ABCB5: variants seen among roughly 807,000 people sequenced by gnomAD.
ABCB5 encodes ATP binding cassette subfamily B member 5.
ABCB5 carries 155 observed loss-of-function variants against 144.2 expected under a neutral mutation model. The ratio of observed to expected loss-of-function variants is 1.08; its 90% CI spans 0.94 to 1.23. The LOEUF (loss-of-function observed/expected upper bound fraction) is 1.23, where lower values mean the gene tolerates loss of function less well. Among genes scored for constraint, ABCB5 ranks in the 50% most tolerant of loss-of-function variants. ABCB5 has a pLI of 0.00. For missense variants in ABCB5, 1,830 were observed against 1,520.8 expected (o/e 1.20, Z -3.38); for synonymous variants, 610 against 528.6 (o/e 1.15, Z -2.11).
chr7:20,755,443 T>C lies in ABCB5; in HGVS notation c.3593T>C (p.Leu1198Pro), dbSNP rs1783058384. The change falls in exon 28 of 28, where the codon CTT becomes CCT. Residue 1198 changes from leucine to proline, a missense_variant. Physicochemically the swap from Leu to Pro is moderately conservative, Grantham distance 98 (BLOSUM62 -3). Transcript: ENST00000404938. ...CTCTTCCAGGTGGTTCAGCATGCCC[T>C]TGATAAAGCCAGGACGGGAAGGACA... ...NDSEKVVQHA[L>P]DKARTGRTCL... 6.2e-7 allele frequency: 1 copy of C among 1,614,072 alleles called. No individual in the cohort carries two copies. Among genetic ancestry groups the C allele is most frequent in the African/African-American group, 1.3e-5 (1 of 74,940 alleles).
Position 20,743,066 on chromosome 7 carries a change from G to A in ABCB5, c.3214G>A (p.Gly1072Arg), listed in dbSNP as rs770734215. ...GCAGAGACTTTATGACCCCGTGCAA[G>A]GACAAGTGGTAAGACAGAACTGAAA... ...LLQRLYDPVQGQVLFDGVDAK... is the reference protein window; with the variant it reads ...LLQRLYDPVQRQVLFDGVDAK... Residue 1072 changes from glycine (G) to arginine (R), a missense_variant, in exon 25 of 28, where the codon GGA becomes AGA. Gly to Arg is a moderately radical substitution (Grantham distance 125). Coordinates refer to ENST00000404938, the MANE Select transcript of ABCB5 (RefSeq NM_001163941.2). 5.6e-6 allele frequency: 9 copies of A among 1,613,782 alleles called. No individual in the cohort carries two copies. The East Asian group carries it at 1.6e-4, about 28-fold the overall frequency.
intron 5 of ABCB5, among the ~76,000 whole-genome samples, chr7:20,635,370 T>A (rs1784133964): frequency 6.9e-6 from 1 of 143,966 alleles, no homozygotes; most frequent in African/African-American, 2.6e-5. Context: ...TGCTTATAGT[T>A]GTTTTGGTTA....
intron 20 of ABCB5, 115 bp from the exon 21 acceptor site, chr7:20,722,876 AAAGTATAAATTCAAGGCATAAATTT>A: frequency 3.2e-6 from 2 of 620,346 alleles, no homozygotes; most frequent in Non-Finnish European, 2.7e-6. Flanking sequence ...ATTTAATCTC[AAAGTATAAATTCAAGGCATAAATTT>A]AAGTATAAAT....
chr7:20,693,370 A>C (rs1470734508), intron 16 of ABCB5, among the ~76,000 whole-genome samples: 1 of 152,138 alleles, frequency 6.6e-6, no homozygotes, highest in Non-Finnish European at 1.5e-5. Context: ...TGTCTCAAAA[A>C]AAAGAAAAAA....
intron 14 of ABCB5, among the ~76,000 whole-genome samples, chr7:20,662,449 C>T (rs1185955456): frequency 6.6e-6 from 1 of 152,092 alleles, no homozygotes; most frequent in East Asian, 1.9e-4. Flanking sequence ...TATCCAAAGT[C>T]GAAGTTAGGT....
chr7:20,674,749 T>TAA (rs1554283408), intron 14 of ABCB5, among the ~76,000 whole-genome samples: 1,873 of 140,344 alleles, frequency 0.013, 30 homozygotes, highest in African/African-American at 0.045. Context: ...CTCTAAAGAC[T>TAA]ACACACACAC....
intron 25 of ABCB5, 28 bp downstream of exon 25, chr7:20,743,102 C>T: frequency 1.2e-6 from 2 of 1,608,412 alleles, no homozygotes; most frequent in South Asian, 1.1e-5. Flanking sequence ...CACACCTAAT[C>T]TGGGGGTTAG....
intron 20 of ABCB5, among the ~76,000 whole-genome samples, chr7:20,718,248 A>C (rs968572186): frequency 2.0e-5 from 3 of 152,134 alleles, no homozygotes; most frequent in Non-Finnish European, 4.4e-5. Context: ...GGTTAGACCT[A>C]AACATATAAA....
At chr7:20,680,035 T>C (rs1583420281) in intron 14 of ABCB5, among the ~76,000 whole-genome samples, 1 of 152,138 alleles carries the variant, frequency 6.6e-6, no homozygotes. Context: ...AATGGATAAA[T>C]AAGTTGTGGT....
intron 14 of ABCB5, among the ~76,000 whole-genome samples, chr7:20,664,724 C>A (rs1320843466): frequency 7.7e-6 from 1 of 130,014 alleles, no homozygotes; most frequent in Non-Finnish European, 1.6e-5. Context: ...ACTCTTCTTA[C>A]CCACCATTTA....
intron 5 of ABCB5, among the ~76,000 whole-genome samples, chr7:20,633,055 T>C (rs1324476553): frequency 6.8e-6 from 1 of 146,168 alleles, no homozygotes; most frequent in African/African-American, 2.6e-5. Context: ...TCTATTTCTT[T>C]AAACATTAAA....
intron 14 of ABCB5, among the ~76,000 whole-genome samples, chr7:20,662,650 G>C (rs1189848861): frequency 6.6e-6 from 1 of 152,122 alleles, no homozygotes; most frequent in Non-Finnish European, 1.5e-5. Flanking sequence ...GAAAATCAAA[G>C]GTAACACACA....
At chr7:20,652,654 A>G (rs1182144723) in intron 13 of ABCB5, among the ~76,000 whole-genome samples, 1 of 152,250 alleles carries the variant, frequency 6.6e-6, no homozygotes, top group Non-Finnish European at 1.5e-5. Context: ...GTAAGCTAAA[A>G]TTATTGTTAA....
intron 20 of ABCB5, among the ~76,000 whole-genome samples, chr7:20,715,604 C>T (rs1781648111): frequency 6.6e-6 from 1 of 152,038 alleles, no homozygotes; most frequent in East Asian, 1.9e-4. Context: ...GAGACAGAGT[C>T]TTGCATGGTT....
chr7:20,700,826 C>T (rs1025894185), intron 19 of ABCB5, among the ~76,000 whole-genome samples: 2 of 152,186 alleles, frequency 1.3e-5, no homozygotes, highest in Non-Finnish European at 2.9e-5. Context: ...AGCCCTTCAC[C>T]TCACTTTCTG....
rs1247665542 is a variant in ABCB5, at chr7:20,638,793, G to A, written c.315-4391G>A. ...ACAGTTGGATTGTTTCTACTTTTTG[G>A]CTATTTACAAATAATGCTTCTGTGA... On this transcript the variant is annotated intron_variant, in intron 5 of 27. Coordinates refer to ENST00000404938, the MANE Select transcript of ABCB5 (RefSeq NM_001163941.2). Among the ~76,000 whole-genome samples the A allele has an allele frequency of 3.3e-5, 5 of 151,996 alleles. No homozygotes were observed. In the South Asian group the frequency reaches 8.3e-4, roughly 25 times the overall value.
At position 20,650,122 on chromosome 7, in the gene ABCB5, G is replaced by A. The variant is rs772541415; in HGVS notation, c.1307G>A (p.Arg436Lys). 6.2e-6 allele frequency: 10 copies of A among 1,613,474 alleles called. No individual in the cohort carries two copies. Among genetic ancestry groups the A allele is most frequent in the Non-Finnish European group, 7.6e-6 (9 of 1,179,634 alleles). Residue 436 changes from arginine to lysine, a missense_variant, in exon 12 of 28, where the codon AGG becomes AAG. Arg to Lys is a conservative substitution (Grantham distance 26, BLOSUM62 2). Coordinates refer to ENST00000404938, the MANE Select transcript of ABCB5 (RefSeq NM_001163941.2). The part of the protein sequence containing the change: ...GKSTVVQLLQ[R>K]LYDPDDGFIM... ...AGTACGGTAGTCCAGCTTCTGCAGA[G>A]GTTATATGATCCGGATGATGGCTTT...
chr7:20,742,455 A>G (rs1220172004), intron 24 of ABCB5, among the ~76,000 whole-genome samples: 1 of 152,248 alleles, frequency 6.6e-6, no homozygotes, highest in African/African-American at 2.4e-5. Flanking sequence ...ACATGGCCCA[A>G]TTTAGAGAAA....
At chr7:20,699,168 A>T (rs560058139) in intron 17 of ABCB5, among the ~76,000 whole-genome samples, 1 of 152,230 alleles carries the variant, frequency 6.6e-6, no homozygotes, top group Non-Finnish European at 1.5e-5. Flanking sequence ...CTAGAAGACT[A>T]CTAAGAAACT....
Sources: gnomAD v4.1 joint callset for allele counts (sites outside exome capture counted in the v4.1 genomes callset) on GRCh38, gnomAD v4.1.1 for gene constraint, MANE v1.5 for transcripts, NCBI Gene and HGNC (gene_info 2026-07-23, HGNC 2026-07-21) for gene names.